Variants in DOCK10 observed in about 807,000 individuals in gnomAD.
The protein encoded by DOCK10 is dedicator of cytokinesis 10.
In DOCK10, 145 loss-of-function variants were observed where a neutral mutation model predicts 280.1. The ratio of observed to expected loss-of-function variants is 0.52; its 90% CI spans 0.45 to 0.59. The LOEUF is 0.59. Ranked by LOEUF, DOCK10 falls within the 20% of genes least tolerant of loss-of-function variation. The pLI is 0.00. For synonymous variants in DOCK10, 915 were observed against 942.2 expected (o/e 0.97, Z 0.53); for missense variants, 2,368 against 2,651.7 (o/e 0.89, Z 2.35).
In DOCK10 at chr2:225,000,508, A is replaced by C. The variant is rs555681127; in HGVS notation, c.123+41744T>G. Among the ~76,000 whole-genome samples, 38 of 152,308 alleles carry C rather than the reference A, an allele frequency of 2.5e-4. No homozygotes were observed. The South Asian group carries it at 3.5e-3, about 14-fold the overall frequency. ...TTCCTGTTCGTAATTCATTGAAAGC[A>C]ATTGGTGCCAATCCTGTGAGAAGGC... On this transcript the variant is annotated intron_variant, in intron 1 of 55. Coordinates refer to ENST00000258390, the MANE Select transcript of DOCK10 (RefSeq NM_014689.3).
At chr2:224,816,276 T>C (rs1244100702) in intron 30 of DOCK10, among the ~76,000 whole-genome samples, 1 of 150,614 alleles carries the variant, frequency 6.6e-6, no homozygotes, top group Non-Finnish European at 1.5e-5. Flanking sequence ...ATTTTATGTC[T>C]CAAAATGAAA....
rs375859301 is a variant in DOCK10 at position 224,819,883 on chromosome 2, A to G, written c.3184-354T>C. The stretch of plus-strand genomic sequence containing the variant: ...AGTTATAAATCTATATTGATTTTAT[A>G]AAATGTCACTGGAGCTTTGCAATGA... On this transcript the variant is annotated intron_variant, in intron 28 of 55. Coordinates refer to ENST00000258390, the MANE Select transcript of DOCK10 (RefSeq NM_014689.3). Among the ~76,000 whole-genome samples the G allele has an allele frequency of 2.6e-4, 40 of 152,364 alleles. 2 individuals are homozygous for G. In the South Asian group the frequency reaches 8.1e-3, roughly 31 times the overall value.
chr2:224,807,726 T>C lies in DOCK10; in HGVS notation c.3644A>G (p.Asn1215Ser), dbSNP rs1228773042. Reference sequence around the variant, plus strand: ...GTCCTTCAGATAAATCCTTGGCATATTGTCCAGGAGCATGCCGTACAGGGG... The same window carrying C: ...GTCCTTCAGATAAATCCTTGGCATACTGTCCAGGAGCATGCCGTACAGGGG... ...YMPLYGMLLD[N>S]MPRIYLKDLY... The change falls in exon 33 of 56, where the codon AAT (asparagine) becomes AGT (serine). Residue 1215 changes from asparagine (N) to serine (S), a missense_variant. By Grantham distance (46) the Asn-to-Ser change is conservative (BLOSUM62 1). This residue lies in a region of DOCK10 where 1,159 missense variants were observed against 1,400.8 expected (regional missense o/e 0.83). Coordinates refer to ENST00000258390, the MANE Select transcript of DOCK10 (RefSeq NM_014689.3). 25 of 1,574,372 alleles carry C rather than the reference T, an allele frequency of 1.6e-5. No individual in the cohort carries two copies. The highest frequency in any genetic ancestry group is 2.0e-5 in the Non-Finnish European group (23 of 1,158,406).
At chr2:224,821,006 A>G (rs1416827912) in intron 28 of DOCK10, among the ~76,000 whole-genome samples, 1 of 152,232 alleles carries the variant, frequency 6.6e-6, no homozygotes, top group Non-Finnish European at 1.5e-5. Context: ...TGTTCAGATA[A>G]GTAGAGCTGT....
intron 2 of DOCK10, among the ~76,000 whole-genome samples, chr2:224,927,050 T>G (rs1702077947): frequency 6.6e-6 from 1 of 152,108 alleles, no homozygotes. Context: ...GGGGTCATGT[T>G]ATAAAGTAAC....
intron 15 of DOCK10, 45 bp from the exon 16 acceptor site, chr2:224,855,087 A>ACACACACACACACG: frequency 8.3e-7 from 1 of 1,200,308 alleles, no homozygotes; most frequent in African/African-American, 1.5e-5. Context: ...ACACACACAC[A>ACACACACACACACG]CACACACACA....
chr2:224,804,393 A>C (rs1372929889), intron 38 of DOCK10, among the ~76,000 whole-genome samples, 180 bp from the exon 39 acceptor site: 2 of 151,998 alleles, frequency 1.3e-5, no homozygotes, highest in Non-Finnish European at 2.9e-5. Context: ...AAGGTGCTTC[A>C]AACGTTGTTG....
At chr2:224,937,074 G>T (rs921002249) in intron 1 of DOCK10, among the ~76,000 whole-genome samples, 6 of 152,122 alleles carry the variant, frequency 3.9e-5, no homozygotes, top group African/African-American at 1.4e-4. Flanking sequence ...TCAGCAAAAA[G>T]GAGATGGGCA....
intron 1 of DOCK10, among the ~76,000 whole-genome samples, chr2:225,009,280 A>C (rs1689365869): frequency 6.6e-6 from 1 of 152,248 alleles, no homozygotes. Flanking sequence ...CTACCTACCA[A>C]GAAAATCAAT....
At chr2:224,776,177 A>T (rs1690849974) in intron 51 of DOCK10, among the ~76,000 whole-genome samples, 1 of 152,132 alleles carries the variant, frequency 6.6e-6, no homozygotes. Flanking sequence ...AGAATTTTAA[A>T]ACTTCTTCCA....
intron 1 of DOCK10, among the ~76,000 whole-genome samples, chr2:224,961,470 T>TTTCTTTCTTTCTTTCTTTCTTTC (rs1559874209): frequency 8.3e-6 from 1 of 120,260 alleles, no homozygotes; most frequent in Non-Finnish European, 1.8e-5. Flanking sequence ...TTCTTTCTTT[T>TTTCTTTCTTTCTTTCTTTCTTTC]TCTTTCTTTC....
intron 4 of DOCK10, among the ~76,000 whole-genome samples, chr2:224,887,158 A>G (rs1371039030): frequency 6.6e-6 from 1 of 152,082 alleles, no homozygotes; most frequent in African/African-American, 2.4e-5. Flanking sequence ...TCCTTCCCCC[A>G]CATTTGTAGG....
intron 14 of DOCK10, among the ~76,000 whole-genome samples, chr2:224,860,411 A>G (rs971692335): frequency 6.7e-6 from 1 of 149,092 alleles, no homozygotes; most frequent in African/African-American, 2.6e-5. Context: ...TAAAAATAAC[A>G]ATCTTTTATT....
intron 3 of DOCK10, among the ~76,000 whole-genome samples, chr2:224,911,663 G>A (rs1045822309): frequency 6.6e-6 from 1 of 152,094 alleles, no homozygotes; most frequent in Non-Finnish European, 1.5e-5. Flanking sequence ...CAAATCCAAG[G>A]CTCTGAAAGC....
intron 1 of DOCK10, among the ~76,000 whole-genome samples, chr2:224,932,614 G>T (rs1025678062): frequency 6.6e-6 from 1 of 152,150 alleles, no homozygotes; most frequent in Non-Finnish European, 1.5e-5. Context: ...AGCTTGAGTG[G>T]TTCCTACAAA....
intron 1 of DOCK10, chr2:224,982,564 T>C (rs1705805862): frequency 2.5e-6 from 3 of 1,198,092 alleles, no homozygotes; most frequent in Non-Finnish European, 2.1e-6. Context: ...CCACGGAAAC[T>C]GAACACACTC....
intron 55 of DOCK10, chr2:224,768,973 T>TA (rs1427414224): frequency 2.2e-6 from 1 of 454,482 alleles, no homozygotes; most frequent in Admixed American, 2.4e-5. Flanking sequence ...AGAAAAGCAT[T>TA]TTTGTCCAAA....
At chr2:224,797,728 C>T in intron 42 of DOCK10, 104 bp downstream of exon 42, 1 of 1,324,654 alleles carries the variant, frequency 7.5e-7, no homozygotes, top group Non-Finnish European at 1.0e-6. Flanking sequence ...GAAAACAATC[C>T]TTCTTCCCTC....
intron 27 of DOCK10, among the ~76,000 whole-genome samples, chr2:224,826,710 G>A (rs1284495328): frequency 2.6e-5 from 4 of 151,238 alleles, no homozygotes; most frequent in African/African-American, 4.9e-5. Context: ...GCAACATGAC[G>A]AAACCCCATC....
Sources: gnomAD v4.1 joint callset for allele counts (sites outside exome capture counted in the v4.1 genomes callset) on GRCh38, gnomAD v4.1.1 for gene constraint, gnomAD v4.1.1 regional missense constraint, MANE v1.5 for transcripts, NCBI Gene and HGNC (gene_info 2026-07-23, HGNC 2026-07-21) for gene names.